The following BUB1B variants were observed in gnomAD, a reference collection of about 807,000 sequenced individuals.
The protein encoded by BUB1B is mitotic checkpoint serine/threonine-protein kinase BUB1 beta.
Under a neutral mutation model 137.7 loss-of-function variants are expected in BUB1B, and 86 were observed. The observed-to-expected ratio is 0.62, with a 90% CI of 0.52 to 0.75. The LOEUF (loss-of-function observed/expected upper bound fraction) is 0.75, where lower values mean the gene tolerates loss of function less well. BUB1B is among the 30% of genes least tolerant of loss of function. The pLI, the probability that BUB1B is intolerant of heterozygous loss-of-function variation, is 0.00. For synonymous variants in BUB1B, 420 were observed against 417.9 expected, an observed-to-expected ratio of 1.00 and a Z score of -0.06; for missense variants, 1,130 against 1,236.9, an observed-to-expected ratio of 0.91 and a Z score of 1.30.
chr15:40,189,147 G>GT (rs953561397), intron 8 of BUB1B, among the ~76,000 whole-genome samples: 27 of 150,468 alleles, frequency 1.8e-4, no homozygotes, highest in Non-Finnish European at 2.7e-4. Context: ...TGTGGTCTTT[G>GT]TTTTTTTTTG....
In BUB1B at chr15:40,220,748, C is replaced by T. The variant is rs766555413; in HGVS notation, c.3142C>T (p.Leu1048Phe). ...VGKLTSPGAL[L>F]FQ ...GAAGTTAACTAGTCCTGGGGCTTTGCTCTTTCAGTGAGCTAGGCAATCAAG... is the reference window on the plus strand; with the variant it reads ...GAAGTTAACTAGTCCTGGGGCTTTGTTCTTTCAGTGAGCTAGGCAATCAAG... Residue 1048 changes from leucine (L) to phenylalanine (F), a missense_variant, in exon 23 of 23, where the codon CTC becomes TTC. Physicochemically the swap from Leu to Phe is conservative, Grantham distance 22. Transcript: ENST00000287598. 6.2e-6 allele frequency: 10 copies of T among 1,614,106 alleles called. No individual in the cohort carries two copies. Among genetic ancestry groups the T allele is most frequent in the South Asian group, 2.2e-5 (2 of 91,084 alleles).
intron 8 of BUB1B, among the ~76,000 whole-genome samples, chr15:40,191,860 C>T (rs2037442187): frequency 6.7e-6 from 1 of 148,388 alleles, no homozygotes; most frequent in East Asian, 2.0e-4. Flanking sequence ...ACCACACAGT[C>T]TTTTTTTTTT....
intron 2 of BUB1B, among the ~76,000 whole-genome samples, chr15:40,167,503 T>C (rs112256491): frequency 0.059 from 8,974 of 151,918 alleles, 868 homozygotes; most frequent in African/African-American, 0.2. Context: ...CCACCACGCC[T>C]GGCTAATTTT....
At chr15:40,161,948 A>C (rs1348681166) in intron 1 of BUB1B, among the ~76,000 whole-genome samples, 1 of 152,244 alleles carries the variant, frequency 6.6e-6, no homozygotes, top group Non-Finnish European at 1.5e-5. Flanking sequence ...TGCAGCAAAT[A>C]TACAGACACA....
chr15:40,188,880 C>T (rs2037402726), intron 8 of BUB1B, among the ~76,000 whole-genome samples: 1 of 152,072 alleles, frequency 6.6e-6, no homozygotes, highest in Non-Finnish European at 1.5e-5. Flanking sequence ...TGCACTCAGC[C>T]TTTTAAAGCT....
chr15:40,195,604 G>C (rs1021877644), intron 8 of BUB1B, among the ~76,000 whole-genome samples: 1 of 152,130 alleles, frequency 6.6e-6, no homozygotes, highest in Non-Finnish European at 1.5e-5. Context: ...CCCCAACAGT[G>C]TAAACGTGTT....
intron 8 of BUB1B, among the ~76,000 whole-genome samples, chr15:40,188,104 G>A (rs1040610039): frequency 1.3e-5 from 2 of 152,106 alleles, no homozygotes; most frequent in Admixed American, 6.5e-5. Context: ...CTGGAGTGCA[G>A]TGGTGCAATC....
At chr15:40,178,307 T>C (rs181193358) in intron 5 of BUB1B, among the ~76,000 whole-genome samples, 1 of 152,220 alleles carries the variant, frequency 6.6e-6, no homozygotes, top group East Asian at 1.9e-4. Context: ...GCTTACCCCG[T>C]GTCTTCCTTT....
intron 5 of BUB1B, among the ~76,000 whole-genome samples, chr15:40,180,633 T>C (rs866648968): frequency 4.3e-5 from 6 of 138,756 alleles, no homozygotes; most frequent in Non-Finnish European, 6.0e-5. Flanking sequence ...TGGTTTCTTT[T>C]TTCTTTTTCT....
intron 8 of BUB1B, among the ~76,000 whole-genome samples, chr15:40,193,403 C>T (rs1485981911): frequency 1.4e-5 from 2 of 145,652 alleles, no homozygotes; most frequent in Non-Finnish European, 3.0e-5. Flanking sequence ...TCCTTAATGA[C>T]ATCTGGGAAG....
chr15:40,179,137 C>T (rs1212487031), intron 5 of BUB1B, among the ~76,000 whole-genome samples: 1 of 151,718 alleles, frequency 6.6e-6, no homozygotes, highest in Non-Finnish European at 1.5e-5. Context: ...GCTTCTTTTA[C>T]TTAGCATACT....
chr15:40,183,867 A>G lies in BUB1B; in HGVS notation c.735A>G (p.Val245=), dbSNP rs747790335. 2.5e-6 allele frequency: 4 copies of G among 1,614,106 alleles called. No homozygotes were observed. Among genetic ancestry groups the G allele is most frequent in the African/African-American group, 2.7e-5 (2 of 75,068 alleles). ...KKTARAPIIR[V]GGALKAPSQN... is the part of the protein sequence containing the mutation. ...CAGCAAGAGCTCCAATCATCCGTGTAGGAGGTGCTCTCAAGGGTAAGTTTG... is the reference window on the plus strand; with the variant it reads ...CAGCAAGAGCTCCAATCATCCGTGTGGGAGGTGCTCTCAAGGGTAAGTTTG... Residue 245 remains valine (V), a synonymous_variant, in exon 6 of 23, where the codon GTA becomes GTG. Transcript: ENST00000287598.
At chr15:40,170,901 C>T (rs2037154777) in intron 4 of BUB1B, among the ~76,000 whole-genome samples, 1 of 152,096 alleles carries the variant, frequency 6.6e-6, no homozygotes, top group Non-Finnish European at 1.5e-5. Flanking sequence ...AGATTGATCG[C>T]AAAGTCTGTA....
chr15:40,172,740 A>G (rs934545857), intron 4 of BUB1B, among the ~76,000 whole-genome samples: 16 of 152,320 alleles, frequency 1.1e-4, no homozygotes, highest in African/African-American at 3.8e-4. Flanking sequence ...AATTAGGTAA[A>G]TCCTGAAGCC....
Position 40,206,362 on chromosome 15 carries a change from T to C in BUB1B, c.1913T>C (p.Leu638Pro). The C allele has an allele frequency of 6.2e-7, 1 of 1,614,158 alleles. No homozygotes were observed. The highest frequency in any genetic ancestry group is 1.1e-5 in the South Asian group (1 of 91,092). The change falls in exon 15 of 23, where the codon CTG (leucine) becomes CCG (proline). Residue 638 changes from leucine (L) to proline (P), a missense_variant. Coordinates refer to ENST00000287598, the MANE Select transcript of BUB1B (RefSeq NM_001211.6). ...LKDLPSDPERLLPEEDLDVKT... is the reference protein window; with the variant it reads ...LKDLPSDPERPLPEEDLDVKT... ...GATCTCCCTTCTGATCCTGAGAGACTGTTACCGGAAGAAGATCTAGATGTA... is the reference window on the plus strand; with the variant it reads ...GATCTCCCTTCTGATCCTGAGAGACCGTTACCGGAAGAAGATCTAGATGTA...
chr15:40,185,679 AT>A, intron 8 of BUB1B, 37 bp downstream of exon 8: 1 of 1,580,454 alleles, frequency 6.3e-7, no homozygotes, highest in Non-Finnish European at 8.7e-7. Context: ...AGTGGGAATT[AT>A]TAAGGGTGGG....
chr15:40,168,453 A>G (rs376328740), intron 2 of BUB1B, among the ~76,000 whole-genome samples: 51 of 152,278 alleles, frequency 3.3e-4, no homozygotes, highest in African/African-American at 1.2e-3. Context: ...ATCAATTGGT[A>G]GGATTGCTGA....
In BUB1B at chr15:40,161,172, C is replaced by G; in HGVS notation, c.-49C>G. 5 of 1,607,534 alleles carry G rather than the reference C, an allele frequency of 3.1e-6. No homozygotes were observed. Among genetic ancestry groups the G allele is most frequent in the Non-Finnish European group, 4.2e-6 (5 of 1,176,878 alleles). On this transcript the variant is annotated 5_prime_UTR_variant, in exon 1 of 23. Transcript: ENST00000287598. ...GAAGAAAGCCCAGGCGGTCTGTGGCCCAGAGGAAAGGCCTGCAGCAGGACG... is the reference window on the plus strand; with the variant it reads ...GAAGAAAGCCCAGGCGGTCTGTGGCGCAGAGGAAAGGCCTGCAGCAGGACG...
chr15:40,213,610 A>C, intron 20 of BUB1B, 136 bp downstream of exon 20: 1 of 936,058 alleles, frequency 1.1e-6, no homozygotes, highest in Non-Finnish European at 1.7e-6. Context: ...ATCTTGGCTC[A>C]CTGCAGCCTC....
Sources: allele counts gnomAD v4.1 joint callset (sites outside exome capture counted in the v4.1 genomes callset), GRCh38; gene constraint gnomAD v4.1.1; transcripts MANE v1.5; gene names NCBI Gene and HGNC (gene_info 2026-07-23, HGNC 2026-07-21).